The following B3GNT2 variants were observed in gnomAD, a reference collection of about 807,000 sequenced individuals.
The protein encoded by B3GNT2 is N-acetyllactosaminide beta-1,3-N-acetylglucosaminyltransferase 2.
Under a neutral mutation model 27.6 loss-of-function variants are expected in B3GNT2, and 12 were observed. The observed-to-expected ratio is 0.44, with a 90% confidence interval of 0.28 to 0.71. B3GNT2 has a LOEUF of 0.71. Among genes scored for constraint, B3GNT2 ranks in the 30% least tolerant of loss-of-function variants. B3GNT2 has a pLI of 0.17. For missense variants in B3GNT2, 413 were observed against 488.5 expected (o/e 0.85, Z 1.46); for synonymous variants, 192 against 189.7 (o/e 1.01, Z -0.10).
chr2:62,201,573 A>G (rs1009953652), intron 1 of B3GNT2, among the ~76,000 whole-genome samples: 2 of 152,242 alleles, frequency 1.3e-5, no homozygotes, highest in African/African-American at 2.4e-5. Context: ...ACATAATTCC[A>G]TGGCCTCATG....
At chr2:62,214,504 G>A (rs1674535350) in intron 1 of B3GNT2, among the ~76,000 whole-genome samples, 1 of 152,224 alleles carries the variant, frequency 6.6e-6, no homozygotes, top group Non-Finnish European at 1.5e-5. Flanking sequence ...ACTCTGCAAG[G>A]CATGTGGAAG....
chr2:62,217,531 A>G (rs1015639682), intron 1 of B3GNT2, among the ~76,000 whole-genome samples: 6 of 152,230 alleles, frequency 3.9e-5, no homozygotes, highest in Non-Finnish European at 7.3e-5. Context: ...CACAGGCACA[A>G]GGGAAGGTGT....
chr2:62,202,540 G>C (rs1011454995), intron 1 of B3GNT2, among the ~76,000 whole-genome samples: 9 of 152,168 alleles, frequency 5.9e-5, no homozygotes, highest in African/African-American at 2.2e-4. Flanking sequence ...AGGAACCAGT[G>C]AAAGTTCTTG....
rs1674787823 is a variant in B3GNT2, at chr2:62,224,608, T to G, written c.*1194T>G. 1 of 167,116 alleles carries G rather than the reference T, an allele frequency of 6.0e-6. No homozygotes were observed. Among genetic ancestry groups the G allele is most frequent in the East Asian group, 1.9e-4 (1 of 5,210 alleles). 10.4% of individuals were successfully genotyped at this position (167,116 alleles called of 1,614,324 possible). ...TAGAGTTTAAAATTCTGCCAAACTATTACTTATATGTACTATTGTGTAACA... is the reference window on the plus strand; with the variant it reads ...TAGAGTTTAAAATTCTGCCAAACTAGTACTTATATGTACTATTGTGTAACA... On this transcript the variant is annotated 3_prime_UTR_variant, in exon 2 of 2. Transcript: ENST00000301998.
At chr2:62,201,642 T>A (rs1050754640) in intron 1 of B3GNT2, among the ~76,000 whole-genome samples, 15 of 152,232 alleles carry the variant, frequency 9.9e-5, no homozygotes, top group African/African-American at 3.1e-4. Context: ...GTAACTTGGG[T>A]AGTACTTGGC....
intron 1 of B3GNT2, among the ~76,000 whole-genome samples, chr2:62,197,548 A>G (rs1021960296): frequency 6.6e-6 from 1 of 152,202 alleles, no homozygotes; most frequent in Non-Finnish European, 1.5e-5. Flanking sequence ...AACTTCTCAG[A>G]AAGATTGTTT....
chr2:62,204,248 A>T (rs1176781864), intron 1 of B3GNT2, among the ~76,000 whole-genome samples: 1 of 151,974 alleles, frequency 6.6e-6, no homozygotes, highest in African/African-American at 2.4e-5. Flanking sequence ...CTGGTCTCGA[A>T]CTCCCAACCT....
In B3GNT2 at chr2:62,209,682, G is replaced by T. The variant is rs968143398; in HGVS notation, c.-9-12530G>T. 4.6e-5 allele frequency among the ~76,000 whole-genome samples: 7 copies of T among 152,180 alleles called. No individual in the cohort carries two copies. The East Asian group carries it at 1.4e-3, about 29-fold the overall frequency. ...TGAGATGGTACAGTTGGTGGGTAAC[G>T]CTGGTTCTTTGATCCCTTTCCTTCA... On this transcript the variant is annotated intron_variant, in intron 1 of 1. Transcript: ENST00000301998.
At chr2:62,213,392 G>A (rs1435035681) in intron 1 of B3GNT2, among the ~76,000 whole-genome samples, 1 of 152,184 alleles carries the variant, frequency 6.6e-6, no homozygotes, top group Non-Finnish European at 1.5e-5. Flanking sequence ...TCCCATGACT[G>A]TCATGGCCTT....
intron 1 of B3GNT2, chr2:62,221,968 A>C (rs964002093): frequency 1.8e-6 from 1 of 566,622 alleles, no homozygotes; most frequent in African/African-American, 1.9e-5. Context: ...AACATCATAT[A>C]CTCACAACCA....
chr2:62,223,368 T>C lies in B3GNT2; in HGVS notation c.1148T>C (p.Met383Thr). The change falls in exon 2 of 2, where the codon ATG (methionine) becomes ACG (threonine). Residue 383 changes from methionine (M) to threonine (T), a missense_variant. Physicochemically the swap from Met to Thr is moderately conservative, Grantham distance 81. Coordinates refer to ENST00000301998, the MANE Select transcript of B3GNT2 (RefSeq NM_006577.6). The part of the protein sequence containing the change: ...MLVHSRKPQE[M>T]IDIWSQLQSA... ...GTACATAGTAGAAAACCTCAAGAGA[T>C]GATTGATATTTGGTCTCAGTTGCAG... The C allele has an allele frequency of 6.2e-7, 1 of 1,613,404 alleles. No homozygotes were observed. The highest frequency in any genetic ancestry group is 8.5e-7 in the Non-Finnish European group (1 of 1,179,686).
intron 1 of B3GNT2, among the ~76,000 whole-genome samples, chr2:62,202,874 T>TC (rs573789095): frequency 1.3e-5 from 2 of 152,052 alleles, no homozygotes; most frequent in Admixed American, 1.3e-4. Context: ...ACCTCCCTTC[T>TC]CCCCCTCATT....
At chr2:62,214,980 TCTC>T (rs925963040) in intron 1 of B3GNT2, among the ~76,000 whole-genome samples, 33 of 152,122 alleles carry the variant, frequency 2.2e-4, no homozygotes, top group African/African-American at 7.5e-4. Flanking sequence ...TTAATTCCCT[TCTC>T]CTCTTTTCCT....
At chr2:62,209,603 C>G (rs1674442387) in intron 1 of B3GNT2, among the ~76,000 whole-genome samples, 1 of 152,186 alleles carries the variant, frequency 6.6e-6, no homozygotes, top group African/African-American at 2.4e-5. Context: ...ACACAGAACA[C>G]AGGCCAGACC....
intron 1 of B3GNT2, among the ~76,000 whole-genome samples, chr2:62,217,801 A>C (rs1272983877): frequency 6.6e-6 from 1 of 152,236 alleles, no homozygotes; most frequent in East Asian, 1.9e-4. Flanking sequence ...TATTTTATCT[A>C]GATTGTCACA....
intron 1 of B3GNT2, chr2:62,215,473 T>A (rs969720668): frequency 6.6e-6 from 1 of 152,322 alleles, no homozygotes; most frequent in East Asian, 1.9e-4. Flanking sequence ...CACACCCTTA[T>A]CACTCCACCA....
chr2:62,196,655 C>G (rs760956481), intron 1 of B3GNT2, among the ~76,000 whole-genome samples: 1 of 152,242 alleles, frequency 6.6e-6, no homozygotes, highest in Non-Finnish European at 1.5e-5. Context: ...TTTGGAACCT[C>G]CCAACCCATT....
At chr2:62,219,743 TTTTGAGAAGTA>T in intron 1 of B3GNT2, among the ~76,000 whole-genome samples, 1 of 152,330 alleles carries the variant, frequency 6.6e-6, no homozygotes, top group East Asian at 1.9e-4. Flanking sequence ...AACCTTTTCT[TTTTGAGAAGTA>T]TTTGAGAAAT....
At position 62,222,010 on chromosome 2, in the gene B3GNT2, A is replaced by G. The variant is rs1403651960; in HGVS notation, c.-9-202A>G. ...GAAGTGGGCTTGATTCCCATTTTAT[A>G]TATGGAGAAGTTGAGACAGGGACTA... is the stretch of plus-strand genomic sequence containing the variant. On this transcript the variant is annotated intron_variant, in intron 1 of 1. Transcript: ENST00000301998. This position sits in a 1 kb window ranked among gnomAD's most constrained non-coding sequence, Gnocchi z 4.2. Among the ~76,000 whole-genome samples the G allele has an allele frequency of 6.6e-6, 1 of 152,196 alleles. No individual in the cohort carries two copies. Among genetic ancestry groups the G allele is most frequent in the Non-Finnish European group, 1.5e-5 (1 of 68,024 alleles).
Sources: allele counts gnomAD v4.1 joint callset (sites outside exome capture counted in the v4.1 genomes callset), GRCh38; gene constraint gnomAD v4.1.1; non-coding constraint Gnocchi (gnomAD v3.1); transcripts MANE v1.5; gene names NCBI Gene and HGNC (gene_info 2026-07-23, HGNC 2026-07-21).